Variants in APP observed in about 807,000 individuals in gnomAD.
The protein encoded by APP is amyloid-beta precursor protein.
Under a neutral mutation model 101.4 loss-of-function variants are expected in APP, and 31 were observed. The ratio of observed to expected loss-of-function variants is 0.31; its 90% CI spans 0.23 to 0.41. The LOEUF is 0.41. APP is among the 10% of genes least tolerant of loss of function. The pLI is 1.00. For synonymous variants in APP, 366 were observed against 364.4 expected (o/e 1.00, Z -0.05); for missense variants, 839 against 1,003.7 (o/e 0.84, Z 2.22).
intron 8 of APP, among the ~76,000 whole-genome samples, chr21:25,991,566 TG>T (rs2042866135): frequency 6.6e-6 from 1 of 152,148 alleles, no homozygotes; most frequent in Admixed American, 6.5e-5. Flanking sequence ...TTAGCAGAGA[TG>T]GGGTTTCGCC....
intron 8 of APP, among the ~76,000 whole-genome samples, chr21:25,987,756 T>C (rs576067558): frequency 1.3e-5 from 2 of 152,288 alleles, no homozygotes; most frequent in Admixed American, 6.5e-5. Flanking sequence ...AGCTCTGACA[T>C]GGACAAACTA....
chr21:25,920,698 C>G (rs1325868051), intron 13 of APP, among the ~76,000 whole-genome samples: 1 of 151,412 alleles, frequency 6.6e-6, no homozygotes, highest in African/African-American at 2.4e-5. Flanking sequence ...CATATATGCA[C>G]CCAATACAGG....
intron 1 of APP, among the ~76,000 whole-genome samples, chr21:26,114,570 TGG>T (rs1274894483): frequency 6.6e-6 from 1 of 152,222 alleles, no homozygotes; most frequent in Non-Finnish European, 1.5e-5. Context: ...CATTGCTCTC[TGG>T]GATCACTCAC....
At chr21:26,170,050 G>A (rs993464563) in intron 1 of APP, among the ~76,000 whole-genome samples, 11 of 152,172 alleles carry the variant, frequency 7.2e-5, no homozygotes, top group Non-Finnish European at 8.8e-5. Flanking sequence ...AAACGAGGCG[G>A]AGAACGCAGG....
intron 8 of APP, among the ~76,000 whole-genome samples, chr21:25,988,301 C>CT (rs2042714768): frequency 6.6e-6 from 1 of 152,144 alleles, no homozygotes; most frequent in African/African-American, 2.4e-5. Flanking sequence ...AGTAAGGATT[C>CT]TGAGGGACCA....
At chr21:25,887,058 T>G (rs1188681853) in intron 17 of APP, among the ~76,000 whole-genome samples, 1 of 152,102 alleles carries the variant, frequency 6.6e-6, no homozygotes, top group Non-Finnish European at 1.5e-5. Flanking sequence ...ACTTCTGGTG[T>G]TCAAGTGATC....
intron 16 of APP, 76 bp from the exon 17 acceptor site, chr21:25,891,944 G>T: frequency 5.0e-6 from 7 of 1,398,720 alleles, no homozygotes; most frequent in Non-Finnish European, 4.9e-6. Flanking sequence ...GCAATTAGAA[G>T]AATTTCATTT....
chr21:26,139,001 C>T (rs994800955), intron 1 of APP, among the ~76,000 whole-genome samples: 7 of 151,962 alleles, frequency 4.6e-5, no homozygotes, highest in Non-Finnish European at 7.4e-5. Context: ...AATTGTGACA[C>T]GGTTACACTT....
intron 1 of APP, among the ~76,000 whole-genome samples, chr21:26,137,002 CTCTGCTCACTGCA>C (rs1351969237): frequency 1.2e-4 from 18 of 152,284 alleles, no homozygotes; most frequent in East Asian, 7.7e-4. Flanking sequence ...AGAGATCCAT[CTCTGCTCACTGCA>C]CCTATGCCTC....
intron 1 of APP, among the ~76,000 whole-genome samples, chr21:26,133,152 C>G (rs781528817): frequency 2.0e-5 from 3 of 152,100 alleles, no homozygotes; most frequent in Non-Finnish European, 2.9e-5. Context: ...GAGGGAGGAT[C>G]GCTTGAGCCC....
chr21:26,097,808 C>T (rs778505465), intron 2 of APP, among the ~76,000 whole-genome samples: 8 of 152,076 alleles, frequency 5.3e-5, no homozygotes, highest in Non-Finnish European at 7.4e-5. Flanking sequence ...AGGCCGGGCG[C>T]GGTGGCTCAG....
At chr21:25,897,858 CA>C in intron 15 of APP, 185 bp from the exon 16 acceptor site, 3 of 605,314 alleles carry the variant, frequency 5.0e-6, no homozygotes, top group Non-Finnish European at 2.9e-6. Flanking sequence ...CTATTTTGAA[CA>C]AAAAGAAATG....
chr21:25,929,501 C>T (rs1377381010), intron 13 of APP, among the ~76,000 whole-genome samples: 1 of 151,800 alleles, frequency 6.6e-6, no homozygotes, highest in Non-Finnish European at 1.5e-5. Flanking sequence ...GTTATTGAGG[C>T]AATGGAGAGT....
intron 11 of APP, among the ~76,000 whole-genome samples, chr21:25,960,854 A>G (rs1450196252): frequency 6.6e-6 from 1 of 152,206 alleles, no homozygotes; most frequent in Non-Finnish European, 1.5e-5. Flanking sequence ...TGCTTCATTG[A>G]TTTGGCCACC....
At chr21:25,937,130 C>T (rs1472410759) in intron 13 of APP, among the ~76,000 whole-genome samples, 2 of 152,158 alleles carry the variant, frequency 1.3e-5, no homozygotes, top group Non-Finnish European at 2.9e-5. Context: ...TGCTTCATTA[C>T]AGGCAGTGGG....
chr21:26,014,205 G>A (rs971001959), intron 6 of APP, among the ~76,000 whole-genome samples: 7 of 152,194 alleles, frequency 4.6e-5, no homozygotes, highest in East Asian at 1.9e-4. Flanking sequence ...GTTCATGTTC[G>A]GGTTCACAGC....
intron 13 of APP, among the ~76,000 whole-genome samples, chr21:25,920,992 A>G (rs907465102): frequency 2.3e-4 from 34 of 147,186 alleles, no homozygotes; most frequent in Non-Finnish European, 4.5e-4. Flanking sequence ...AACTCTCCTC[A>G]GCAAATGTAA....
chr21:25,909,298 G>C (rs542411230), intron 14 of APP, among the ~76,000 whole-genome samples: 44 of 149,614 alleles, frequency 2.9e-4, no homozygotes, highest in South Asian at 2.3e-3. Context: ...AATTGCTTAA[G>C]TGGCTTTTTA....
rs886056997 is a variant in APP at position 26,112,083 on chromosome 21, G to C, written c.121C>G (p.Leu41Val). 6.2e-7 allele frequency: 1 copy of C among 1,614,116 alleles called. No individual in the cohort carries two copies. Among genetic ancestry groups the C allele is most frequent in the Non-Finnish European group, 8.5e-7 (1 of 1,180,008 alleles). Residue 41 changes from leucine (L) to valine (V), a missense_variant, in exon 2 of 18, where the codon CTG becomes GTG. Coordinates refer to ENST00000346798, the MANE Select transcript of APP (RefSeq NM_000484.4). Reference sequence around the variant, plus strand: ...TTCTGGACATTCATGTGCATGTTCAGTCTGCCACAGAACATGGCAATCTGG... The same window carrying C: ...TTCTGGACATTCATGTGCATGTTCACTCTGCCACAGAACATGGCAATCTGG... Reference protein sequence around the residue: ...EPQIAMFCGRLNMHMNVQNGK... With the variant: ...EPQIAMFCGRVNMHMNVQNGK...
Sources: gnomAD v4.1 joint callset for allele counts (sites outside exome capture counted in the v4.1 genomes callset) on GRCh38, gnomAD v4.1.1 for gene constraint, MANE v1.5 for transcripts, NCBI Gene and HGNC (gene_info 2026-07-23, HGNC 2026-07-21) for gene names.